Variants in UBE2E2 observed in about 807,000 individuals in gnomAD.
UBE2E2 encodes the protein ubiquitin conjugating enzyme E2 E2.
In UBE2E2, 6 loss-of-function variants were observed where a neutral mutation model predicts 24.7. That is an observed-to-expected ratio of 0.24 (90% CI 0.13 to 0.48). The LOEUF is 0.48. Ranked by LOEUF, UBE2E2 falls within the 20% of genes least tolerant of loss-of-function variation. The pLI is 0.99. For missense variants in UBE2E2, 169 were observed against 245.0 expected (o/e 0.69, Z 2.07); for synonymous variants, 104 against 83.6 (o/e 1.24, Z -1.33).
Position 23,228,919 on chromosome 3 carries a change from A to G in UBE2E2, c.227+11607A>G, listed in dbSNP as rs544150509. ...AGATGAGGCCTAGTAATAATTTGAA[A>G]TGACCAAAGGAGAGGCAGAACTCTT... On this transcript the variant is annotated intron_variant, in intron 3 of 5. Transcript: ENST00000396703. Among the ~76,000 whole-genome samples, 15 of 152,328 alleles carry G rather than the reference A, an allele frequency of 9.8e-5. No individual in the cohort carries two copies. The East Asian group carries it at 2.9e-3, about 29-fold the overall frequency.
intron 5 of UBE2E2, among the ~76,000 whole-genome samples, chr3:23,584,590 T>C (rs867851585): frequency 2.0e-5 from 3 of 151,872 alleles, no homozygotes; most frequent in Non-Finnish European, 4.4e-5. Flanking sequence ...GGTCTCGCTC[T>C]TTCGCCCAGC....
At chr3:23,396,298 A>T (rs1160077226) in intron 3 of UBE2E2, among the ~76,000 whole-genome samples, 1 of 122,010 alleles carries the variant, frequency 8.2e-6, no homozygotes, top group Non-Finnish European at 1.7e-5. Flanking sequence ...TCAAGCATTT[A>T]TTTTTTATAT....
At chr3:23,446,111 C>T (rs567235012) in intron 3 of UBE2E2, among the ~76,000 whole-genome samples, 37 of 152,288 alleles carry the variant, frequency 2.4e-4, no homozygotes, top group Middle Eastern at 3.4e-3. Context: ...TTATCACACT[C>T]GGTCACTCTT....
intron 3 of UBE2E2, among the ~76,000 whole-genome samples, chr3:23,256,477 A>G (rs560949209): frequency 2.4e-5 from 2 of 83,202 alleles, no homozygotes; most frequent in Admixed American, 2.3e-4. Flanking sequence ...TTTGACAAAA[A>G]AAACTGTAGC....
intron 3 of UBE2E2, among the ~76,000 whole-genome samples, chr3:23,268,408 A>C (rs949320243): frequency 6.6e-6 from 1 of 152,150 alleles, no homozygotes; most frequent in Non-Finnish European, 1.5e-5. Flanking sequence ...CTTATACACC[A>C]GTAACAGACA....
intron 5 of UBE2E2, among the ~76,000 whole-genome samples, chr3:23,541,466 A>G (rs1176491249): frequency 6.6e-6 from 1 of 152,100 alleles, no homozygotes. Flanking sequence ...TGGCTGTTGA[A>G]TTTTTCATGT....
chr3:23,261,067 C>T (rs1697889389), intron 3 of UBE2E2, among the ~76,000 whole-genome samples: 1 of 151,882 alleles, frequency 6.6e-6, no homozygotes, highest in South Asian at 2.1e-4. Context: ...TGTGCCACTG[C>T]ACTCCAGCCT....
intron 3 of UBE2E2, among the ~76,000 whole-genome samples, chr3:23,217,897 G>C (rs1405007297): frequency 6.6e-6 from 1 of 152,108 alleles, no homozygotes; most frequent in African/African-American, 2.4e-5. Context: ...CCTGGAAATG[G>C]TTAATGTTAT....
At chr3:23,355,612 A>C (rs1695921853) in intron 3 of UBE2E2, among the ~76,000 whole-genome samples, 1 of 152,142 alleles carries the variant, frequency 6.6e-6, no homozygotes, top group South Asian at 2.1e-4. Flanking sequence ...AAATACAGTT[A>C]CTTTTTTTTG....
intron 3 of UBE2E2, among the ~76,000 whole-genome samples, chr3:23,398,638 C>T (rs1697138985): frequency 6.6e-6 from 1 of 152,102 alleles, no homozygotes; most frequent in Admixed American, 6.6e-5. Context: ...ATGTTGATGT[C>T]AAAATGATAC....
chr3:23,250,003 G>A (rs1167079476), intron 3 of UBE2E2, among the ~76,000 whole-genome samples: 1 of 152,128 alleles, frequency 6.6e-6, no homozygotes, highest in African/African-American at 2.4e-5. Flanking sequence ...CAGAGTAGGT[G>A]GTAAGTTATA....
chr3:23,326,904 A>G (rs558664229), intron 3 of UBE2E2, among the ~76,000 whole-genome samples: 16 of 151,814 alleles, frequency 1.1e-4, no homozygotes, highest in African/African-American at 3.9e-4. Flanking sequence ...ATTCCTACCT[A>G]TGAGTGAGAA....
At chr3:23,493,091 C>T (rs1276937297) in intron 3 of UBE2E2, among the ~76,000 whole-genome samples, 1 of 152,158 alleles carries the variant, frequency 6.6e-6, no homozygotes, top group African/African-American at 2.4e-5. Flanking sequence ...AAGTCAGACA[C>T]ATTCTTTCTG....
chr3:23,375,862 G>A (rs1696508957), intron 3 of UBE2E2, among the ~76,000 whole-genome samples: 1 of 152,124 alleles, frequency 6.6e-6, no homozygotes, highest in Admixed American at 6.6e-5. Flanking sequence ...CTTCTGTACT[G>A]TAGATTAATT....
At chr3:23,256,480 A>C (rs978471521) in intron 3 of UBE2E2, among the ~76,000 whole-genome samples, 3 of 149,824 alleles carry the variant, frequency 2.0e-5, no homozygotes, top group Admixed American at 6.7e-5. Flanking sequence ...GACAAAAAAA[A>C]CTGTAGCTTC....
chr3:23,563,049 T>C (rs1359788543), intron 5 of UBE2E2, among the ~76,000 whole-genome samples: 1 of 151,998 alleles, frequency 6.6e-6, no homozygotes, highest in Non-Finnish European at 1.5e-5. Flanking sequence ...TTTTGAAGGG[T>C]TTTTTGTGTC....
intron 3 of UBE2E2, among the ~76,000 whole-genome samples, chr3:23,359,106 AC>A (rs1696044766): frequency 6.6e-6 from 1 of 152,166 alleles, no homozygotes; most frequent in Non-Finnish European, 1.5e-5. Flanking sequence ...AACATCATGA[AC>A]ATTACCTTTT....
At chr3:23,306,731 A>T (rs1221176017) in intron 3 of UBE2E2, among the ~76,000 whole-genome samples, 1 of 152,212 alleles carries the variant, frequency 6.6e-6, no homozygotes, top group East Asian at 1.9e-4. Flanking sequence ...TAAATAAACC[A>T]GTTGATACCT....
intron 3 of UBE2E2, among the ~76,000 whole-genome samples, chr3:23,279,027 T>C (rs149807216): frequency 5.8e-4 from 88 of 152,306 alleles, no homozygotes; most frequent in Middle Eastern, 3.4e-3. Context: ...ATTTTACTGA[T>C]GAGGTCTTGA....
Sources: allele counts gnomAD v4.1 joint callset (sites outside exome capture counted in the v4.1 genomes callset), GRCh38; gene constraint gnomAD v4.1.1; transcripts MANE v1.5; gene names NCBI Gene and HGNC (gene_info 2026-07-23, HGNC 2026-07-21).